Variants in PRKG1 observed in about 807,000 individuals in gnomAD.
PRKG1 encodes the protein cGMP-dependent protein kinase 1.
In PRKG1, 35 loss-of-function variants were observed where a neutral mutation model predicts 88.1. That is an observed-to-expected ratio of 0.40 (90% CI 0.30 to 0.53). The LOEUF is 0.53. Ranked by LOEUF, PRKG1 falls within the 20% of genes least tolerant of loss-of-function variation. PRKG1 has a pLI of 0.59. For synonymous variants in PRKG1, 303 were observed against 292.5 expected (o/e 1.04, Z -0.37); for missense variants, 540 against 839.8 (o/e 0.64, Z 4.41).
intron 2 of PRKG1, among the ~76,000 whole-genome samples, chr10:51,217,404 G>A (rs942172189): frequency 5.9e-5 from 9 of 152,096 alleles, no homozygotes; most frequent in African/African-American, 1.9e-4. Flanking sequence ...TTAGAAAGGA[G>A]TAAAGCAAAA....
At chr10:51,977,732 T>A (rs908041187) in intron 5 of PRKG1, among the ~76,000 whole-genome samples, 3 of 151,872 alleles carry the variant, frequency 2.0e-5, no homozygotes, top group African/African-American at 7.3e-5. Context: ...GATACTGAGC[T>A]TTTTTTTCAT....
intron 5 of PRKG1, among the ~76,000 whole-genome samples, chr10:51,968,710 C>A (rs895456246): frequency 6.6e-6 from 1 of 151,182 alleles, no homozygotes; most frequent in Non-Finnish European, 1.5e-5. Flanking sequence ...ATAATCCCAG[C>A]TACTCAGGAG....
chr10:51,345,030 A>G (rs897496218), intron 2 of PRKG1, among the ~76,000 whole-genome samples: 1 of 152,164 alleles, frequency 6.6e-6, no homozygotes, highest in Non-Finnish European at 1.5e-5. Context: ...TAATTAGTCT[A>G]CCTCTCCAAG....
intron 5 of PRKG1, chr10:51,908,733 A>ATATATATAT (rs60587885): frequency 7.1e-4 from 94 of 131,546 alleles, no homozygotes; most frequent in Middle Eastern, 3.9e-3. Flanking sequence ...ATCTATATGT[A>ATATATATAT]ATTTTTTTTT....
chr10:51,135,204 A>T (rs1213974065), intron 1 of PRKG1, among the ~76,000 whole-genome samples: 2 of 152,222 alleles, frequency 1.3e-5, no homozygotes, highest in Non-Finnish European at 2.9e-5. Context: ...AACTTTCCCA[A>T]TTAAGGGATT....
At chr10:51,421,189 A>C (rs1375802160) in intron 2 of PRKG1, among the ~76,000 whole-genome samples, 1 of 143,078 alleles carries the variant, frequency 7.0e-6, no homozygotes, top group African/African-American at 2.6e-5. Context: ...TGTTTGTTTT[A>C]GAAACAGGGT....
At chr10:51,806,195 G>A (rs1393611687) in intron 4 of PRKG1, among the ~76,000 whole-genome samples, 1 of 152,154 alleles carries the variant, frequency 6.6e-6, no homozygotes, top group African/African-American at 2.4e-5. Flanking sequence ...CAATGAAATG[G>A]TAACCTATGG....
intron 5 of PRKG1, among the ~76,000 whole-genome samples, chr10:51,956,380 CAT>C (rs372895125): frequency 8.6e-4 from 131 of 151,684 alleles, no homozygotes; most frequent in African/African-American, 2.9e-3. Context: ...TTATTAATAA[CAT>C]ATATTCATTT....
Position 52,188,290 on chromosome 10 carries a change from G to A in PRKG1, c.1076+26327G>A, listed in dbSNP as rs182753172. ...TATGTATATATATACATATATATGT[G>A]TATATATATATGTATATATATACAT... On this transcript the variant is annotated intron_variant, in intron 9 of 17. Coordinates refer to ENST00000373980, the MANE Select transcript of PRKG1 (RefSeq NM_006258.4). Among the ~76,000 whole-genome samples the A allele has an allele frequency of 2.2e-3, 31 of 14,282 alleles. 1 individual carries two copies. The East Asian group carries it at 0.044, about 20-fold the overall frequency. The allele number at this position is 14,282 out of a possible 152,430, so 9.4% of individuals were successfully genotyped here.
intron 5 of PRKG1, among the ~76,000 whole-genome samples, chr10:52,012,215 T>C (rs539033281): frequency 1.2e-4 from 18 of 151,882 alleles, no homozygotes; most frequent in Middle Eastern, 3.4e-3. Flanking sequence ...TTTTGTTTTT[T>C]TCCATGTTCT....
In PRKG1 at chr10:51,554,178, T is replaced by C. The variant is rs144177637; in HGVS notation, c.592+86342T>C. Among the ~76,000 whole-genome samples the C allele has an allele frequency of 4.0e-3, 580 of 146,790 alleles. 4 individuals are homozygous for C. The highest frequency in any genetic ancestry group is 5.5e-3 in the South Asian group (26 of 4,734). On this transcript the variant is annotated intron_variant, in intron 3 of 17. Transcript: ENST00000373980. ...ATATATTATATGTGCGTATGTGATA[T>C]GTGTATATATTATATATGTGCGTAT...
In PRKG1 at chr10:51,569,588, G is replaced by A. The variant is rs574117305; in HGVS notation, c.592+101752G>A. Among the ~76,000 whole-genome samples the A allele has an allele frequency of 2.6e-5, 4 of 152,092 alleles. No individual in the cohort carries two copies. The South Asian group carries it at 8.3e-4, about 32-fold the overall frequency. On this transcript the variant is annotated intron_variant, in intron 3 of 17. Coordinates refer to ENST00000373980, the MANE Select transcript of PRKG1 (RefSeq NM_006258.4). Reference sequence around the variant, plus strand: ...AATCTAAATTACCATGCATGAGACAGCTGCTGTTATTTACAGAGAAGAAAA... The same window carrying A: ...AATCTAAATTACCATGCATGAGACAACTGCTGTTATTTACAGAGAAGAAAA...
At chr10:51,119,170 A>G (rs573844027) in intron 1 of PRKG1, among the ~76,000 whole-genome samples, 30 of 152,228 alleles carry the variant, frequency 2.0e-4, no homozygotes, top group Non-Finnish European at 3.8e-4. Flanking sequence ...CATATAGGCT[A>G]TGGTGTCCCT....
intron 2 of PRKG1, among the ~76,000 whole-genome samples, chr10:51,217,812 G>A (rs7906921): frequency 2.6e-5 from 4 of 152,082 alleles, no homozygotes; most frequent in African/African-American, 9.7e-5. Context: ...CAAATGTATA[G>A]CAAGAAAAAT....
intron 3 of PRKG1, among the ~76,000 whole-genome samples, chr10:51,740,649 GT>G (rs1410785957): frequency 6.6e-6 from 1 of 152,032 alleles, no homozygotes; most frequent in African/African-American, 2.4e-5. Context: ...GGCAAATAAT[GT>G]TTTATGGTTG....
intron 2 of PRKG1, among the ~76,000 whole-genome samples, chr10:51,348,125 G>T (rs751910514): frequency 1.3e-5 from 2 of 152,010 alleles, no homozygotes; most frequent in African/African-American, 2.4e-5. Flanking sequence ...TAACTTAAGA[G>T]AAAGTAATGC....
intron 3 of PRKG1, among the ~76,000 whole-genome samples, chr10:51,713,684 G>A (rs1369883592): frequency 6.6e-6 from 1 of 152,166 alleles, no homozygotes; most frequent in Non-Finnish European, 1.5e-5. Context: ...TTTAAATAGA[G>A]TATTAAGATG....
chr10:51,010,521 T>C (rs1159114659), intron 1 of PRKG1, among the ~76,000 whole-genome samples: 7 of 152,222 alleles, frequency 4.6e-5, no homozygotes, highest in African/African-American at 7.2e-5. Flanking sequence ...CATATATATA[T>C]ATGTGGTATC....
chr10:52,055,260 C>A (rs899167318), intron 6 of PRKG1, among the ~76,000 whole-genome samples: 2 of 152,160 alleles, frequency 1.3e-5, no homozygotes, highest in Non-Finnish European at 2.9e-5. Flanking sequence ...AATCCTGTTA[C>A]GAAATTTAGT....
Sources: allele counts gnomAD v4.1 joint callset (sites outside exome capture counted in the v4.1 genomes callset), GRCh38; gene constraint gnomAD v4.1.1; transcripts MANE v1.5; gene names NCBI Gene and HGNC (gene_info 2026-07-23, HGNC 2026-07-21).